The following MBD5 variants were observed in gnomAD, a reference collection of about 807,000 sequenced individuals.
The protein encoded by MBD5 is methyl-CpG-binding domain protein 5.
MBD5 carries 13 observed loss-of-function variants against 117.3 expected under a neutral mutation model. The ratio of observed to expected loss-of-function variants is 0.11; its 90% CI spans 0.07 to 0.18. The LOEUF (loss-of-function observed/expected upper bound fraction) is 0.18. MBD5 is among the 10% of genes least tolerant of loss of function. The probability of loss-of-function intolerance (pLI) is 1.00; values close to 1 mark genes in which losing one functional copy is unlikely to be tolerated. For missense variants in MBD5, 1,879 were observed against 2,093.8 expected, an observed-to-expected ratio of 0.90 and a Z score of 2.00; for synonymous variants, 727 against 766.4, an observed-to-expected ratio of 0.95 and a Z score of 0.85.
chr2:148,189,189 C>T (rs967112709), intron 2 of MBD5, among the ~76,000 whole-genome samples: 12 of 147,304 alleles, frequency 8.1e-5, no homozygotes, highest in Admixed American at 4.7e-4. Context: ...GAGGGGCGCC[C>T]GCCATTGCTC....
intron 12 of MBD5, 43 bp from the exon 13 acceptor site, chr2:148,510,017 T>C: frequency 7.0e-7 from 1 of 1,426,006 alleles, no homozygotes; most frequent in Non-Finnish European, 9.9e-7. Flanking sequence ...GAGTTTTGTT[T>C]CTTTAATTTT....
At chr2:148,497,459 C>G (rs1681736808) in intron 11 of MBD5, among the ~76,000 whole-genome samples, 2 of 152,050 alleles carry the variant, frequency 1.3e-5, no homozygotes, top group Non-Finnish European at 2.9e-5. Context: ...AGTCTGGGGT[C>G]AGAGGATCAC....
chr2:148,251,056 C>G (rs1229863798), intron 3 of MBD5, among the ~76,000 whole-genome samples: 1 of 151,766 alleles, frequency 6.6e-6, no homozygotes, highest in Non-Finnish European at 1.5e-5. Flanking sequence ...TTCAGAGTGC[C>G]TAGTATAGTG....
intron 2 of MBD5, among the ~76,000 whole-genome samples, chr2:148,231,513 G>T (rs1445780540): frequency 6.6e-6 from 1 of 151,636 alleles, no homozygotes; most frequent in Non-Finnish European, 1.5e-5. Flanking sequence ...GGTACTGTGA[G>T]TGCTCACCTG....
chr2:148,091,597 C>A lies in MBD5; in HGVS notation c.-925+69913C>A, dbSNP rs1029210596. Among the ~76,000 whole-genome samples, 3 of 152,090 alleles carry A rather than the reference C, an allele frequency of 2.0e-5. No individual in the cohort carries two copies. In the East Asian group the frequency reaches 5.8e-4, roughly 29 times the overall value. ...CAAAAAATCATGCTAGGATAATTGG[C>A]AAGCCACATTTAGAAGAATGAAGCT... On this transcript the variant is annotated intron_variant, in intron 1 of 13. Coordinates refer to ENST00000642680, the MANE Select transcript of MBD5 (RefSeq NM_001378120.1).
At chr2:148,379,585 T>C (rs1704077511) in intron 4 of MBD5, among the ~76,000 whole-genome samples, 1 of 151,818 alleles carries the variant, frequency 6.6e-6, no homozygotes, top group African/African-American at 2.4e-5. Flanking sequence ...GAGCACTGAG[T>C]GAAAAAATTG....
chr2:148,064,410 C>T (rs558606478), intron 1 of MBD5, among the ~76,000 whole-genome samples: 24 of 152,174 alleles, frequency 1.6e-4, no homozygotes, highest in African/African-American at 5.8e-4. Context: ...CCACCGCGCC[C>T]GGCCCCCACC....
At chr2:148,062,541 ATTTTG>A (rs1695067213) in intron 1 of MBD5, 1 of 151,972 alleles carries the variant, frequency 6.6e-6, no homozygotes, top group Non-Finnish European at 1.5e-5. Context: ...TGCTAAAGTC[ATTTTG>A]TTTTAACTTC....
At chr2:148,270,103 GTCTT>G (rs1240437970) in intron 3 of MBD5, among the ~76,000 whole-genome samples, 3 of 151,758 alleles carry the variant, frequency 2.0e-5, no homozygotes, top group East Asian at 1.9e-4. Flanking sequence ...TTTTCTCAGT[GTCTT>G]TCTTTTTCTC....
chr2:148,049,182 T>G (rs1247638726), intron 1 of MBD5, among the ~76,000 whole-genome samples: 1 of 152,214 alleles, frequency 6.6e-6, no homozygotes, highest in African/African-American at 2.4e-5. Context: ...GTGTATTCAC[T>G]GGTTCTCAGC....
At chr2:148,491,464 G>A (rs977269824) in intron 11 of MBD5, among the ~76,000 whole-genome samples, 5 of 151,722 alleles carry the variant, frequency 3.3e-5, no homozygotes, top group Non-Finnish European at 7.4e-5. Context: ...CATCTTCTTA[G>A]GTAATAAAAA....
intron 3 of MBD5, among the ~76,000 whole-genome samples, chr2:148,330,316 A>G (rs1224715138): frequency 1.3e-5 from 2 of 152,088 alleles, no homozygotes; most frequent in African/African-American, 4.8e-5. Flanking sequence ...AGACAGAGAG[A>G]GAGAAGGATA....
intron 4 of MBD5, among the ~76,000 whole-genome samples, chr2:148,382,293 G>T (rs1349707036): frequency 6.6e-6 from 1 of 152,156 alleles, no homozygotes; most frequent in South Asian, 2.1e-4. Flanking sequence ...AAAAAAGGCA[G>T]GGGTTGCAAT....
At chr2:148,103,672 T>C (rs923154088) in intron 1 of MBD5, among the ~76,000 whole-genome samples, 7 of 152,130 alleles carry the variant, frequency 4.6e-5, no homozygotes, top group African/African-American at 1.7e-4. Context: ...CCCTGGATTT[T>C]TTCATACAGT....
chr2:148,398,628 T>C, intron 4 of MBD5, among the ~76,000 whole-genome samples: 1 of 152,214 alleles, frequency 6.6e-6, no homozygotes, highest in Non-Finnish European at 1.5e-5. Context: ...TGGTAGTTTC[T>C]TTTGCTGTGC....
intron 3 of MBD5, among the ~76,000 whole-genome samples, chr2:148,306,151 C>T (rs756971036): frequency 2.6e-5 from 4 of 152,172 alleles, no homozygotes; most frequent in African/African-American, 2.4e-5. Context: ...CCACCTATTA[C>T]GCCTACAGAT....
intron 3 of MBD5, among the ~76,000 whole-genome samples, chr2:148,330,053 C>CCA (rs1559026394): frequency 1.4e-4 from 3 of 21,088 alleles, no homozygotes; most frequent in Non-Finnish European, 2.1e-4. Context: ...GCCCCCCCCA[C>CCA]ACACACACAC....
chr2:148,163,812 A>G (rs1698066278), intron 1 of MBD5, among the ~76,000 whole-genome samples: 2 of 152,200 alleles, frequency 1.3e-5, no homozygotes. Flanking sequence ...AAAACAATGT[A>G]TTATGGGTAA....
chr2:148,171,733 C>CA (rs1445668247), intron 1 of MBD5, among the ~76,000 whole-genome samples: 1 of 152,018 alleles, frequency 6.6e-6, no homozygotes, highest in Admixed American at 6.5e-5. Flanking sequence ...CAGATTCTAC[C>CA]AAAAAACTAT....
Sources: allele counts gnomAD v4.1 joint callset (sites outside exome capture counted in the v4.1 genomes callset), GRCh38; gene constraint gnomAD v4.1.1; transcripts MANE v1.5; gene names NCBI Gene and HGNC (gene_info 2026-07-23, HGNC 2026-07-21).